AFAP1L2: variants seen among roughly 807,000 people sequenced by gnomAD.
The protein encoded by AFAP1L2 is actin filament-associated protein 1-like 2.
AFAP1L2 carries 46 observed loss-of-function variants against 99.3 expected under a neutral mutation model. The observed-to-expected ratio is 0.46, with a 90% CI of 0.37 to 0.59. The LOEUF (loss-of-function observed/expected upper bound fraction) is 0.59. Ranked by LOEUF, AFAP1L2 falls within the 20% of genes least tolerant of loss-of-function variation. The pLI is 0.00. For missense variants in AFAP1L2, 959 were observed against 1,034.9 expected, an observed-to-expected ratio of 0.93 and a Z score of 1.01; for synonymous variants, 397 against 419.1, an observed-to-expected ratio of 0.95 and a Z score of 0.64.
At chr10:114,330,483 C>T (rs1328371912) in intron 4 of AFAP1L2, among the ~76,000 whole-genome samples, 1 of 152,202 alleles carries the variant, frequency 6.6e-6, no homozygotes, top group African/African-American at 2.4e-5. Context: ...ATTAGGTTTC[C>T]TCACCCTTAA....
intron 16 of AFAP1L2, among the ~76,000 whole-genome samples, chr10:114,298,494 A>G (rs1354203732): frequency 6.6e-6 from 1 of 152,174 alleles, no homozygotes; most frequent in Non-Finnish European, 1.5e-5. Context: ...TACAATTTAA[A>G]TAAGCACAAA....
At chr10:114,324,396 A>AACCCCC (rs2045889580) in intron 4 of AFAP1L2, among the ~76,000 whole-genome samples, 1 of 126,436 alleles carries the variant, frequency 7.9e-6, no homozygotes. Flanking sequence ...GGGGTGCACC[A>AACCCCC]CCCCCCCCCC....
rs1590020334 is a variant in AFAP1L2 at position 114,308,609 on chromosome 10, G to A, written c.883-92C>T. 6 of 1,164,332 alleles carry A rather than the reference G, an allele frequency of 5.2e-6. No individual in the cohort carries two copies. In the East Asian group the frequency reaches 1.4e-4, roughly 28 times the overall value. 72.1% of individuals were successfully genotyped at this position (1,164,332 alleles called of 1,614,324 possible). A position where few individuals can be genotyped will look rare whatever the true frequency, so the allele number is the denominator to read the frequency against. On this transcript the variant is annotated intron_variant, in intron 8 of 18. Transcript: ENST00000304129. Reference sequence around the variant, plus strand: ...AAGGGAAAATAATAGATGGCTCTTGGTTGTATGCCAGAGGTCAGCTGAGCA... The same window carrying A: ...AAGGGAAAATAATAGATGGCTCTTGATTGTATGCCAGAGGTCAGCTGAGCA...
Position 114,300,312 on chromosome 10 carries a change from G to A in AFAP1L2, c.1839C>T (p.Val613=), listed in dbSNP as rs776396740. 3 of 1,614,172 alleles carry A rather than the reference G, an allele frequency of 1.9e-6. No homozygotes were observed. Among genetic ancestry groups the A allele is most frequent in the Non-Finnish European group, 1.7e-6 (2 of 1,180,044 alleles). ...PEDPSLRITT[V]KIQTEQQRIS... is the part of the protein sequence containing the mutation. ...TTCTCTGCTGTTCCGTCTGGATTTT[G>A]ACGGTGGTGATTCTCAGGGAAGGAT... The change falls in exon 15 of 19, where the codon GTC becomes GTT. Residue 613 remains valine (V), a synonymous_variant. Transcript: ENST00000304129.
intron 1 of AFAP1L2, among the ~76,000 whole-genome samples, chr10:114,359,796 A>G (rs1039966120): frequency 6.6e-6 from 1 of 152,134 alleles, no homozygotes; most frequent in African/African-American, 2.4e-5. Flanking sequence ...GCAAGAGGCA[A>G]AGGAAGCCAG....
chr10:114,297,290 T>A lies in AFAP1L2; in HGVS notation c.2237A>T (p.Lys746Met). 1 of 1,614,044 alleles carries A rather than the reference T, an allele frequency of 6.2e-7. No individual in the cohort carries two copies. Among genetic ancestry groups the A allele is most frequent in the Non-Finnish European group, 8.5e-7 (1 of 1,180,008 alleles). The change falls in exon 17 of 19, where the codon AAG (lysine) becomes ATG (methionine). Residue 746 changes from lysine to methionine, a missense_variant. Lys to Met is a moderately conservative substitution (Grantham distance 95). Coordinates refer to ENST00000304129, the MANE Select transcript of AFAP1L2 (RefSeq NM_001001936.3). Reference sequence around the variant, plus strand: ...TAACGTCACAGGCCCTGCCTCAGCCTTCTTCAGGTTGTCCTTCACCTCCAT... The same window carrying A: ...TAACGTCACAGGCCCTGCCTCAGCCATCTTCAGGTTGTCCTTCACCTCCAT... ...SIMEVKDNLK[K>M]AEAGPVTLGT...
intron 1 of AFAP1L2, among the ~76,000 whole-genome samples, chr10:114,399,520 T>C (rs2058048288): frequency 6.6e-6 from 1 of 152,222 alleles, no homozygotes. Flanking sequence ...GACTCAGTTC[T>C]CAGGGATATT....
At chr10:114,370,857 T>C (rs1381452447) in intron 1 of AFAP1L2, among the ~76,000 whole-genome samples, 2 of 152,284 alleles carry the variant, frequency 1.3e-5, no homozygotes, top group East Asian at 1.9e-4. Context: ...CCACTATTTC[T>C]CTCCATCTGG....
the AFAP1L2 span, chr10:114,282,596 A>AGG: frequency 6.2e-7 from 1 of 1,605,374 alleles, no homozygotes; most frequent in Non-Finnish European, 8.5e-7. Context: ...TTGGATTTAC[A>AGG]GGTTCTTTCA....
At chr10:114,294,643 G>C (rs993175584), downstream of AFAP1L2, among the ~76,000 whole-genome samples, 5 of 151,962 alleles carry the variant, frequency 3.3e-5, no homozygotes, top group Admixed American at 3.3e-4. Flanking sequence ...TGTGTCTTTG[G>C]TATGTTGTTA....
chr10:114,363,580 T>C (rs1415267028), intron 1 of AFAP1L2, among the ~76,000 whole-genome samples: 1 of 152,218 alleles, frequency 6.6e-6, no homozygotes, highest in Non-Finnish European at 1.5e-5. Context: ...ATTAGCCAAT[T>C]GTAAAGCTGA....
intron 10 of AFAP1L2, among the ~76,000 whole-genome samples, chr10:114,306,516 A>G (rs1269599646): frequency 6.6e-6 from 1 of 151,976 alleles, no homozygotes; most frequent in South Asian, 2.1e-4. Context: ...GGCTGGCTGA[A>G]CCAGGCAATA....
At chr10:114,343,728 T>G (rs1254118829) in intron 1 of AFAP1L2, among the ~76,000 whole-genome samples, 1 of 152,198 alleles carries the variant, frequency 6.6e-6, no homozygotes, top group African/African-American at 2.4e-5. Flanking sequence ...CTGGCAAAAG[T>G]TGCCCTGTTG....
chr10:114,361,558 G>A (rs2052420360), intron 1 of AFAP1L2, among the ~76,000 whole-genome samples: 1 of 152,148 alleles, frequency 6.6e-6, no homozygotes, highest in African/African-American at 2.4e-5. Flanking sequence ...TCAGACACAG[G>A]AAACCTGAAC....
intron 1 of AFAP1L2, among the ~76,000 whole-genome samples, chr10:114,348,280 T>G (rs1417717658): frequency 6.6e-6 from 1 of 152,236 alleles, no homozygotes; most frequent in Admixed American, 6.5e-5. Flanking sequence ...GTTTTTACTG[T>G]GAAATTCTAT....
chr10:114,368,819 GTAAC>G (rs1369702114), intron 1 of AFAP1L2, among the ~76,000 whole-genome samples: 1 of 146,454 alleles, frequency 6.8e-6, no homozygotes, highest in East Asian at 2.0e-4. Context: ...CACACACAGA[GTAAC>G]TAAATGAGAT....
At chr10:114,358,707 G>A (rs574418623) in intron 1 of AFAP1L2, among the ~76,000 whole-genome samples, 13 of 152,260 alleles carry the variant, frequency 8.5e-5, no homozygotes, top group African/African-American at 3.1e-4. Flanking sequence ...CTGAGGTCAG[G>A]AGTTCGAGAC....
At chr10:114,290,021 T>C (rs942069917), downstream of AFAP1L2, 13 of 451,420 alleles carry the variant, frequency 2.9e-5, no homozygotes, top group Admixed American at 3.9e-4. Context: ...GTCTGCCATG[T>C]GTATGGCACG....
At chr10:114,353,234 A>T (rs1279250055) in intron 1 of AFAP1L2, among the ~76,000 whole-genome samples, 1 of 152,192 alleles carries the variant, frequency 6.6e-6, no homozygotes, top group Non-Finnish European at 1.5e-5. Context: ...TTTTGTGGCC[A>T]TCTCCAGAAA....
Sources: allele counts gnomAD v4.1 joint callset (sites outside exome capture counted in the v4.1 genomes callset), GRCh38; gene constraint gnomAD v4.1.1; transcripts MANE v1.5; gene names NCBI Gene and HGNC (gene_info 2026-07-23, HGNC 2026-07-21).